Variants in MRRF observed in about 807,000 individuals in gnomAD.
MRRF encodes mitochondrial ribosome recycling factor.
MRRF carries 18 observed loss-of-function variants against 25.1 expected under a neutral mutation model. The observed-to-expected ratio is 0.72, with a 90% CI of 0.50 to 1.06. The LOEUF (loss-of-function observed/expected upper bound fraction) is 1.06. Among genes scored for constraint, MRRF ranks in the 50% least tolerant of loss-of-function variants. The pLI is 0.00. For synonymous variants in MRRF, 113 were observed against 112.1 expected (o/e 1.01, Z -0.05); for missense variants, 323 against 319.3 (o/e 1.01, Z -0.09).
At chr9:122,269,752 T>A (rs1015876715) in intron 1 of MRRF, among the ~76,000 whole-genome samples, 6 of 152,094 alleles carry the variant, frequency 3.9e-5, no homozygotes, top group Non-Finnish European at 5.9e-5. Flanking sequence ...AATATTTTTT[T>A]AAAAGTTTGA....
chr9:122,280,574 ACT>A lies in MRRF; in HGVS notation c.320_321del (p.Leu107GlnfsTer10), dbSNP rs1833040967. Reference sequence around the variant, plus strand: ...AGCTCTCAAGGATAATTTCAATAAGACTCTCAATATAAGGACCTCACCAGGTT... The same window carrying A: ...AGCTCTCAAGGATAATTTCAATAAGACTCAATATAAGGACCTCACCAGGTT... Reference protein sequence around the residue: ...IEALKDNFNKTLNIRTSPGSL... With the variant: ...IEALKDNFNKXLNIRTSPGSL... On this transcript the variant is annotated frameshift_variant, in exon 3 of 7. Coordinates refer to ENST00000344641, the MANE Select transcript of MRRF (RefSeq NM_138777.5). LOFTEE classifies it high-confidence loss of function. 1.2e-6 allele frequency: 2 copies of A among 1,613,862 alleles called. No individual in the cohort carries two copies. The highest frequency in any genetic ancestry group is 1.7e-6 in the Non-Finnish European group (2 of 1,179,882).
intron 4 of MRRF, among the ~76,000 whole-genome samples, chr9:122,289,493 A>T (rs1833619287): frequency 6.6e-6 from 1 of 152,012 alleles, no homozygotes; most frequent in African/African-American, 2.4e-5. Flanking sequence ...TACAGTAGTG[A>T]TTATCAGTCA....
chr9:122,270,335 T>C (rs192348804), intron 1 of MRRF, among the ~76,000 whole-genome samples: 15 of 152,344 alleles, frequency 9.8e-5, no homozygotes, highest in Admixed American at 2.6e-4. Context: ...ACCTCAATCA[T>C]GCTTTAGACT....
intron 4 of MRRF, 156 bp downstream of exon 4, chr9:122,285,443 G>A (rs1391833348): frequency 1.4e-6 from 1 of 713,570 alleles, no homozygotes; most frequent in Non-Finnish European, 2.6e-6. Flanking sequence ...TTTTCCTGTT[G>A]CCAGATTCCT....
At chr9:122,314,977 C>T (rs528850021) in intron 6 of MRRF, among the ~76,000 whole-genome samples, 2 of 152,038 alleles carry the variant, frequency 1.3e-5, no homozygotes, top group Admixed American at 6.5e-5. Flanking sequence ...AAGCAAGGGA[C>T]CCCTGGAGAA....
At position 122,311,935 on chromosome 9, in the gene MRRF, G is replaced by T. The variant is rs115479278; in HGVS notation, c.552-1292G>T. On this transcript the variant is annotated intron_variant, in intron 5 of 6. Transcript: ENST00000344641. ...ATATGCTTTGGCAGAACAAAAAAGA[G>T]ACCTAAACATGTCAGCATGATTTTT... Among the ~76,000 whole-genome samples the T allele has an allele frequency of 5.2e-3, 791 of 152,240 alleles. 4 individuals are homozygous for T. The highest frequency in any genetic ancestry group is 0.019 in the African/African-American group (769 of 41,552).
intron 3 of MRRF, among the ~76,000 whole-genome samples, chr9:122,284,752 A>G (rs916719492): frequency 2.0e-5 from 3 of 152,298 alleles, no homozygotes. Context: ...CTCTTGTCAC[A>G]TTGATAAGAA....
chr9:122,271,154 G>A, intron 2 of MRRF, 79 bp downstream of exon 2: 1 of 1,222,666 alleles, frequency 8.2e-7, no homozygotes, highest in Non-Finnish European at 1.2e-6. Flanking sequence ...AGGTATCTCA[G>A]ATGTACTGAA....
In MRRF at chr9:122,291,819, T is replaced by G. The variant is rs141933491; in HGVS notation, c.530T>G (p.Leu177Arg). The G allele has an allele frequency of 1.6e-5, 26 of 1,613,442 alleles. No homozygotes were observed. In the African/African-American group the frequency reaches 3.5e-4, roughly 21 times the overall value. ...CTGAACCCAGAAGTGGAAGGGACGC[T>G]AATTCGGGTACCCATTCCCCAGTAA... is the stretch of plus-strand genomic sequence containing the variant. Reference protein sequence around the residue: ...MNLNPEVEGTLIRVPIPQVTR... With the variant: ...MNLNPEVEGTRIRVPIPQVTR... Residue 177 changes from leucine to arginine, a missense_variant, in exon 5 of 7, where the codon CTA becomes CGA. Physicochemically the swap from Leu to Arg is moderately radical, Grantham distance 102. Transcript: ENST00000344641.
intron 3 of MRRF, among the ~76,000 whole-genome samples, chr9:122,281,749 C>T (rs1833104009): frequency 6.6e-6 from 1 of 152,120 alleles, no homozygotes; most frequent in Non-Finnish European, 1.5e-5. Context: ...TTAAAATTAG[C>T]CAGCAAGCTC....
rs1428237680 is a variant in MRRF, at chr9:122,324,729, C to T, written c.*2112C>T. The stretch of plus-strand genomic sequence containing the variant: ...CAACTTCTCTTTGCTCTTTGACTTC[C>T]TCCAGATTCTCTCCTGTGCTGGAGG... On this transcript the variant is annotated 3_prime_UTR_variant, in exon 7 of 7. Transcript: ENST00000344641. 1.3e-5 allele frequency: 2 copies of T among 152,208 alleles called. No homozygotes were observed. The highest frequency in any genetic ancestry group is 1.3e-4 in the Admixed American group (2 of 15,290). The allele number at this position is 152,208 out of a possible 1,614,324, so 9.4% of individuals were successfully genotyped here.
intron 6 of MRRF, among the ~76,000 whole-genome samples, chr9:122,320,290 CTG>C (rs1055573288): frequency 3.2e-4 from 48 of 152,252 alleles, no homozygotes; most frequent in African/African-American, 1.0e-3. Context: ...GATGAGGAAA[CTG>C]AAAGTCAAAG....
rs550217889 is a variant in MRRF, at chr9:122,319,509, C to T, written c.712-3031C>T. Among the ~76,000 whole-genome samples, 6 of 152,210 alleles carry T rather than the reference C, an allele frequency of 3.9e-5. No homozygotes were observed. In the East Asian group the frequency reaches 1.2e-3, roughly 29 times the overall value. The stretch of plus-strand genomic sequence containing the variant: ...ACTCCTCTGTAAAATGGGGATAATA[C>T]CTATTCTACCTGCTTCATAGAGGCT... On this transcript the variant is annotated intron_variant, in intron 6 of 6. Coordinates refer to ENST00000344641, the MANE Select transcript of MRRF (RefSeq NM_138777.5).
Position 122,293,452 on chromosome 9 carries a change from A to G in MRRF, c.551+1612A>G, listed in dbSNP as rs554684374. On this transcript the variant is annotated intron_variant, in intron 5 of 6. Coordinates refer to ENST00000344641, the MANE Select transcript of MRRF (RefSeq NM_138777.5). The stretch of plus-strand genomic sequence containing the variant: ...TGATGTACCCATACCCATGCAGACA[A>G]CAAGAATCAATCCCAACACGGGAGT... 3.9e-5 allele frequency among the ~76,000 whole-genome samples: 6 copies of G among 152,334 alleles called. No homozygotes were observed. In the South Asian group the frequency reaches 1.0e-3, roughly 26 times the overall value.
intron 2 of MRRF, among the ~76,000 whole-genome samples, chr9:122,279,163 G>T (rs998154290): frequency 6.6e-6 from 1 of 152,096 alleles, no homozygotes. Context: ...GAGCCACTGC[G>T]CCCAGCCCCA....
chr9:122,286,065 A>G (rs1413748415), intron 4 of MRRF: 15 of 1,288,138 alleles, frequency 1.2e-5, no homozygotes, highest in Non-Finnish European at 1.5e-5. Context: ...GGAGTCTTAG[A>G]GTACCTGGAA....
At chr9:122,317,067 AATAT>A (rs71847269) in intron 6 of MRRF, among the ~76,000 whole-genome samples, 2,376 of 145,400 alleles carry the variant, frequency 0.016, 62 homozygotes, top group African/African-American at 0.051. Context: ...GGTTGCAGTG[AATAT>A]ATATATATAT....
intron 3 of MRRF, among the ~76,000 whole-genome samples, chr9:122,284,353 TC>T (rs1189438179): frequency 3.3e-5 from 5 of 152,300 alleles, no homozygotes; most frequent in Middle Eastern, 3.4e-3. Context: ...TGTTTATTCT[TC>T]CCAAGTCTTA....
intron 1 of MRRF, among the ~76,000 whole-genome samples, chr9:122,268,156 T>G (rs2119014192): frequency 6.6e-6 from 1 of 152,380 alleles, no homozygotes; most frequent in East Asian, 1.9e-4. Flanking sequence ...ACTTCCACTT[T>G]GAAATTTCTT....
Sources: allele counts gnomAD v4.1 joint callset (sites outside exome capture counted in the v4.1 genomes callset), GRCh38; gene constraint gnomAD v4.1.1; transcripts MANE v1.5; gene names NCBI Gene and HGNC (gene_info 2026-07-23, HGNC 2026-07-21).